The following ZFPL1 variants were observed in gnomAD, a reference collection of about 807,000 sequenced individuals.
ZFPL1 encodes the protein zinc finger protein like 1, also known as zinc finger protein-like 1.
Under a neutral mutation model 32.0 loss-of-function variants are expected in ZFPL1, and 28 were observed. The ratio of observed to expected loss-of-function variants is 0.87; its 90% confidence interval spans 0.65 to 1.20. ZFPL1 has a LOEUF of 1.20. ZFPL1 is among the 50% of genes most tolerant of loss of function. The pLI is 0.00. For synonymous variants in ZFPL1, 165 were observed against 177.0 expected, an observed-to-expected ratio of 0.93 and a Z score of 0.54; for missense variants, 386 against 424.8, an observed-to-expected ratio of 0.91 and a Z score of 0.80.
intron 7 of ZFPL1, 68 bp downstream of exon 7, chr11:65,087,501 G>A: frequency 1.4e-6 from 2 of 1,471,106 alleles, no homozygotes; most frequent in Non-Finnish European, 1.9e-6. Context: ...AGAGGTCCTG[G>A]AAGGGATGGT....
chr11:65,087,202 T>G, intron 6 of ZFPL1, 114 bp from the exon 7 acceptor site: 1 of 1,551,698 alleles, frequency 6.4e-7, no homozygotes, highest in Non-Finnish European at 8.8e-7. Flanking sequence ...AGCCATTACC[T>G]CCTCACAATT....
rs755419396 is a variant in ZFPL1, at chr11:65,087,021, G to A, written c.575G>A (p.Arg192Gln). The stretch of plus-strand genomic sequence containing the variant: ...CCCCGGCCCCCAGCTTCCCCAGGCC[G>A]GCCCGAGCAGCACACAGTGATCCAC... The part of the protein sequence containing the change: ...QAPRPPASPG[R>Q]PEQHTVIHMG... Residue 192 changes from arginine (R) to glutamine (Q), a missense_variant, in exon 6 of 8, where the codon CGG (arginine) becomes CAG (glutamine). By Grantham distance (43) the Arg-to-Gln change is conservative. Transcript: ENST00000294258. 3.9e-5 allele frequency: 63 copies of A among 1,613,854 alleles called. No homozygotes were observed. The highest frequency in any genetic ancestry group is 1.3e-4 in the Admixed American group (8 of 59,976).
rs369879946 is a variant in ZFPL1 at position 65,086,479 on chromosome 11, C to T, written c.279C>T (p.Ala93=). The T allele has an allele frequency of 5.3e-5, 85 of 1,613,984 alleles. No homozygotes were observed. The highest frequency in any genetic ancestry group is 6.7e-5 in the African/African-American group (5 of 74,936). ...AAQLPRNTAP[A]GYQCPSCNGP... ...AGCTACCCCGAAACACGGCACCTGC[C>T]GGCTATCAGTGCCCCAGCTGCAATG... Residue 93 remains alanine (A), a synonymous_variant, in exon 4 of 8, where the codon GCC becomes GCT. Transcript: ENST00000294258.
Position 65,086,931 on chromosome 11 carries a change from G to A in ZFPL1, c.485G>A (p.Ser162Asn), listed in dbSNP as rs1947685602. The A allele has an allele frequency of 6.2e-7, 1 of 1,613,810 alleles. No individual in the cohort carries two copies. Among genetic ancestry groups the A allele is most frequent in the Non-Finnish European group, 8.5e-7 (1 of 1,179,856 alleles). ...ACGGCTCTCTTTCCACCCACAGCCA[G>A]CAGTACCCCTGGACCAGAGGAGGTA... ...DFSDWSSFNA[S>N]STPGPEEVDS... The change falls in exon 6 of 8, where the codon AGC becomes AAC. Residue 162 changes from serine (S) to asparagine (N), a missense_variant. By Grantham distance (46) the Ser-to-Asn change is conservative. Transcript: ENST00000294258.
chr11:65,086,319 C>T lies in ZFPL1; in HGVS notation c.215-96C>T, dbSNP rs908287582. 6.8e-6 allele frequency: 10 copies of T among 1,476,524 alleles called. No individual in the cohort carries two copies. In the African/African-American group the frequency reaches 8.3e-5, roughly 12 times the overall value. 91.5% of individuals were successfully genotyped at this position (1,476,524 alleles called of 1,614,324 possible). A position where few individuals can be genotyped will look rare whatever the true frequency, so the allele number is the denominator to read the frequency against. ...AGGCTCTGGCACACACACATGTGTCCATATGTCCTGCAATGGTCTGGGGAC... is the reference window on the plus strand; with the variant it reads ...AGGCTCTGGCACACACACATGTGTCTATATGTCCTGCAATGGTCTGGGGAC... On this transcript the variant is annotated intron_variant, in intron 3 of 7. Coordinates refer to ENST00000294258, the MANE Select transcript of ZFPL1 (RefSeq NM_006782.4).
intron 3 of ZFPL1, 22 bp from the exon 4 acceptor site, chr11:65,086,393 C>A (rs759587848): frequency 6.2e-7 from 1 of 1,613,962 alleles, no homozygotes; most frequent in Non-Finnish European, 8.5e-7. Context: ...TGTCTCTTCT[C>A]CCCTGTCTCA....
In ZFPL1 at chr11:65,086,484, A is replaced by G. The variant is rs748407449; in HGVS notation, c.284A>G (p.Tyr95Cys). 1.2e-5 allele frequency: 20 copies of G among 1,613,976 alleles called. No homozygotes were observed. In the East Asian group the frequency reaches 2.0e-4, roughly 16 times the overall value. The change falls in exon 4 of 8, where the codon TAT (tyrosine) becomes TGT (cysteine). Residue 95 changes from tyrosine (Y) to cysteine (C), a missense_variant. Coordinates refer to ENST00000294258, the MANE Select transcript of ZFPL1 (RefSeq NM_006782.4). Reference sequence around the variant, plus strand: ...CCCCGAAACACGGCACCTGCCGGCTATCAGTGCCCCAGCTGCAATGGCCCC... The same window carrying G: ...CCCCGAAACACGGCACCTGCCGGCTGTCAGTGCCCCAGCTGCAATGGCCCC... ...QLPRNTAPAGYQCPSCNGPIF... is the reference protein window; with the variant it reads ...QLPRNTAPAGCQCPSCNGPIF...
In ZFPL1 at chr11:65,085,115, T is replaced by C. The variant is rs761535873; in HGVS notation, c.103T>C (p.Cys35Arg). The C allele has an allele frequency of 3.1e-6, 5 of 1,614,098 alleles. No individual in the cohort carries two copies. The highest frequency in any genetic ancestry group is 4.2e-6 in the Non-Finnish European group (5 of 1,179,962). ...EHCLVANHAKCIVQSYLQWLQ... is the reference protein window; with the variant it reads ...EHCLVANHAKRIVQSYLQWLQ... ...TTGTGACATCTCTCTCCCACTCCAG[T>C]GCATCGTCCAGTCCTACCTGCAATG... The change falls in exon 3 of 8, where the codon TGC (cysteine) becomes CGC (arginine). Residue 35 changes from cysteine to arginine, a missense_variant and splice_region_variant. Coordinates refer to ENST00000294258, the MANE Select transcript of ZFPL1 (RefSeq NM_006782.4).
chr11:65,085,513 G>A (rs1230060587), intron 3 of ZFPL1: 2 of 474,176 alleles, frequency 4.2e-6, no homozygotes, highest in East Asian at 8.1e-5. Context: ...TTACGGGTAT[G>A]CTGGTGGCCG....
chr11:65,087,689 C>G (rs1947693273), intron 7 of ZFPL1: 7 of 616,190 alleles, frequency 1.1e-5, no homozygotes, highest in Admixed American at 3.0e-5. Context: ...TCTGACACCC[C>G]CTAATCTTTG....
chr11:65,085,544 C>T (rs1037900887), intron 3 of ZFPL1: 11 of 400,256 alleles, frequency 2.7e-5, no homozygotes, highest in African/African-American at 4.1e-5. Context: ...CTAGCCAGAC[C>T]GGCATGTTGC....
rs889563116 is a variant in ZFPL1 at position 65,087,368 on chromosome 11, T to C, written c.681T>C (p.His227=). 2 of 1,614,038 alleles carry C rather than the reference T, an allele frequency of 1.2e-6. No individual in the cohort carries two copies. ...ATGATGACCGGACACCAGGCCTCCA[T>C]GGAGACTGTGACGATGACAAGTACC... ...TRDDDRTPGL[H]GDCDDDKYRR... is the part of the protein sequence containing the mutation. The change falls in exon 7 of 8, where the codon CAT becomes CAC. Residue 227 remains histidine, a synonymous_variant. Coordinates refer to ENST00000294258, the MANE Select transcript of ZFPL1 (RefSeq NM_006782.4).
At chr11:65,086,687 A>C (rs371196475) in intron 4 of ZFPL1, 33 bp from the exon 5 acceptor site, 11 of 1,614,136 alleles carry the variant, frequency 6.8e-6, no homozygotes, top group Non-Finnish European at 9.3e-6. Context: ...GGACAATACT[A>C]GGCAGCCTGG....
chr11:65,085,255 G>A (rs2137163446), intron 3 of ZFPL1, 29 bp downstream of exon 3: 1 of 1,605,014 alleles, frequency 6.2e-7, no homozygotes, highest in East Asian at 2.2e-5. Context: ...GGGGGGATCA[G>A]GCCAGCCTCA....
At position 65,088,244 on chromosome 11, in the gene ZFPL1, C is replaced by A; in HGVS notation, c.*130C>A. 7.9e-7 allele frequency: 1 copy of A among 1,261,430 alleles called. No homozygotes were observed. The highest frequency in any genetic ancestry group is 1.1e-6 in the Non-Finnish European group (1 of 910,992). The allele number at this position is 1,261,430 out of a possible 1,614,324, so 78.1% of individuals were successfully genotyped here. On this transcript the variant is annotated 3_prime_UTR_variant, in exon 8 of 8. Coordinates refer to ENST00000294258, the MANE Select transcript of ZFPL1 (RefSeq NM_006782.4). ...GCCTAAGACACTAAGACCCCAGACCCAAAGCCAAGTCCACCAGAGTGGCTG... is the reference window on the plus strand; with the variant it reads ...GCCTAAGACACTAAGACCCCAGACCAAAAGCCAAGTCCACCAGAGTGGCTG...
intron 3 of ZFPL1, 153 bp from the exon 4 acceptor site, chr11:65,086,262 C>G: frequency 9.6e-7 from 1 of 1,038,182 alleles, no homozygotes; most frequent in South Asian, 1.5e-5. Flanking sequence ...GCCAAGAAGA[C>G]TGACATTTTA....
chr11:65,087,815 A>C, intron 7 of ZFPL1, 113 bp from the exon 8 acceptor site: 1 of 1,146,392 alleles, frequency 8.7e-7, no homozygotes, highest in African/African-American at 1.6e-5. Flanking sequence ...ATCATCCCTG[A>C]GGCACAGACG....
chr11:65,085,313 C>A, intron 3 of ZFPL1, 87 bp downstream of exon 3: 1 of 1,168,784 alleles, frequency 8.6e-7, no homozygotes, highest in Non-Finnish European at 1.3e-6. Flanking sequence ...AGCAGCAGGA[C>A]AGTGAGTCCC....
In ZFPL1 at chr11:65,085,373, G is replaced by A. The variant is rs75088461; in HGVS notation, c.214+147G>A. 3.5e-3 allele frequency: 2,486 copies of A among 715,404 alleles called. 46 individuals carry two copies. In the African/African-American group the frequency reaches 0.037, roughly 11 times the overall value. 44.3% of individuals were successfully genotyped at this position (715,404 alleles called of 1,614,324 possible). A position where few individuals can be genotyped will look rare whatever the true frequency, so the allele number is the denominator to read the frequency against. On this transcript the variant is annotated intron_variant, in intron 3 of 7. Transcript: ENST00000294258. Reference sequence around the variant, plus strand: ...GTCCTGTTAAAGTTCCTTACCTGCTGTGTAAGTTCAGGCAAGTTATTCTTC... The same window carrying A: ...GTCCTGTTAAAGTTCCTTACCTGCTATGTAAGTTCAGGCAAGTTATTCTTC...
Sources: gnomAD v4.1 joint callset for allele counts on GRCh38, gnomAD v4.1.1 for gene constraint, MANE v1.5 for transcripts, NCBI Gene and HGNC (gene_info 2026-07-23, HGNC 2026-07-21) for gene names.